Variants in DOCK4 observed in about 807,000 individuals in gnomAD.
DOCK4 encodes the protein dedicator of cytokinesis protein 4.
DOCK4 carries 97 observed loss-of-function variants against 268.1 expected under a neutral mutation model. The observed-to-expected ratio is 0.36, with a 90% confidence interval of 0.31 to 0.43. The LOEUF (loss-of-function observed/expected upper bound fraction) is 0.43, where lower values mean the gene tolerates loss of function less well. DOCK4 is among the 20% of genes least tolerant of loss of function. DOCK4 has a pLI of 1.00. For synonymous variants in DOCK4, 954 were observed against 887.2 expected, an observed-to-expected ratio of 1.08 and a Z score of -1.34; for missense variants, 2,145 against 2,455.7, an observed-to-expected ratio of 0.87 and a Z score of 2.67.
chr7:112,133,369 T>G (rs946584578), intron 1 of DOCK4, among the ~76,000 whole-genome samples: 1 of 152,242 alleles, frequency 6.6e-6, no homozygotes, highest in South Asian at 2.1e-4. Flanking sequence ...CACACTTTCC[T>G]GCTTAATCTT....
At chr7:111,907,162 C>G (rs1162904522) in intron 13 of DOCK4, among the ~76,000 whole-genome samples, 2 of 152,128 alleles carry the variant, frequency 1.3e-5, no homozygotes, top group African/African-American at 4.8e-5. Context: ...AATTCTCACA[C>G]AAGATACACT....
At chr7:112,056,845 G>A (rs1184579427) in intron 1 of DOCK4, among the ~76,000 whole-genome samples, 3 of 151,844 alleles carry the variant, frequency 2.0e-5, no homozygotes, top group East Asian at 1.9e-4. Context: ...AAAAAGAGCT[G>A]ACAAAAACAA....
chr7:112,062,582 T>C (rs1806521960), intron 1 of DOCK4, among the ~76,000 whole-genome samples: 1 of 152,194 alleles, frequency 6.6e-6, no homozygotes, highest in Admixed American at 6.5e-5. Flanking sequence ...TGATGAGTGA[T>C]AGCCAAGGGC....
chr7:111,740,503 T>C (rs2133428959), intron 47 of DOCK4, among the ~76,000 whole-genome samples: 2 of 149,828 alleles, frequency 1.3e-5, no homozygotes, highest in East Asian at 2.0e-4. Flanking sequence ...GAGGCCAAAT[T>C]GGGCAGATCA....
chr7:112,145,922 G>T (rs1464329606), intron 1 of DOCK4, among the ~76,000 whole-genome samples: 1 of 151,992 alleles, frequency 6.6e-6, no homozygotes, highest in Non-Finnish European at 1.5e-5. Context: ...ATCTAACTTC[G>T]CTTAAACTGC....
rs185579716 is a variant in DOCK4, at chr7:112,193,403, C to T, written c.37+12699G>A. On this transcript the variant is annotated intron_variant, in intron 1 of 52. Coordinates refer to ENST00000428084, the MANE Select transcript of DOCK4 (RefSeq NM_001363540.2). ...TTGAGCCCAGGAGTTCAAGACCAGC[C>T]TGAGCAAAATAGTGAGACCCTGTTT... 2.5e-3 allele frequency among the ~76,000 whole-genome samples: 380 copies of T among 152,020 alleles called. 2 individuals are homozygous for T. The highest frequency in any genetic ancestry group is 8.8e-3 in the African/African-American group (365 of 41,470).
chr7:111,872,330 G>C lies in DOCK4; in HGVS notation c.1865C>G (p.Thr622Ser). Residue 622 changes from threonine (T) to serine (S), a missense_variant, in exon 19 of 53, where the codon ACC becomes AGC. Physicochemically the swap from Thr to Ser is moderately conservative, Grantham distance 58 (BLOSUM62 1). This residue lies in a region of DOCK4 where 1,598 missense variants were observed against 1,986.7 expected (regional missense o/e 0.80). Coordinates refer to ENST00000428084, the MANE Select transcript of DOCK4 (RefSeq NM_001363540.2). The part of the protein sequence containing the change: ...IVKFLQDTLD[T>S]LFGILDENSQ... ...ATTTTCATCTAAAATTCCAAATAAG[G>C]TATCCAGTGTATCCTGCAGAAACTG... 1 of 1,557,946 alleles carries C rather than the reference G, an allele frequency of 6.4e-7. No individual in the cohort carries two copies. The highest frequency in any genetic ancestry group is 8.7e-7 in the Non-Finnish European group (1 of 1,150,676).
At chr7:111,909,403 G>C (rs764213313) in intron 13 of DOCK4, among the ~76,000 whole-genome samples, 3 of 152,138 alleles carry the variant, frequency 2.0e-5, no homozygotes, top group Non-Finnish European at 4.4e-5. Context: ...ACTCCAGTCT[G>C]TAAATCATTA....
chr7:111,998,817 T>G (rs1341540647), intron 3 of DOCK4, among the ~76,000 whole-genome samples: 2 of 152,176 alleles, frequency 1.3e-5, no homozygotes, highest in Admixed American at 6.6e-5. Context: ...AAAAACCATG[T>G]TATACTGAAT....
chr7:112,010,597 C>T lies in DOCK4; in HGVS notation c.38-6466G>A, dbSNP rs114668980. On this transcript the variant is annotated intron_variant, in intron 1 of 52. Coordinates refer to ENST00000428084, the MANE Select transcript of DOCK4 (RefSeq NM_001363540.2). ...TTCCATCTTCTGATCCTCAGACCTG[C>T]CACATGTTTGGGATCTGCCTTCATC... 9.0e-3 allele frequency among the ~76,000 whole-genome samples: 1,373 copies of T among 152,242 alleles called. 13 individuals carry two copies. The highest frequency in any genetic ancestry group is 0.037 in the Middle Eastern group (11 of 294).
intron 1 of DOCK4, among the ~76,000 whole-genome samples, chr7:112,167,800 T>C (rs1817731138): frequency 6.6e-6 from 1 of 152,190 alleles, no homozygotes; most frequent in South Asian, 2.1e-4. Flanking sequence ...TACTAAATAA[T>C]CTCTAAGACT....
At position 112,206,085 on chromosome 7, in the gene DOCK4, GCC is replaced by G. The variant is rs1194250362; in HGVS notation, c.37+15_37+16del. On this transcript the variant is annotated intron_variant, in intron 1 of 52. Transcript: ENST00000428084. The stretch of plus-strand genomic sequence containing the variant: ...TCGGGCCAGAGCAGAATAAAAGTTC[GCC>G]CCGCGGAGACTCACCCACGCCGTAT... The G allele has an allele frequency of 7.0e-6, 11 of 1,572,988 alleles. No homozygotes were observed. The highest frequency in any genetic ancestry group is 6.9e-6 in the Non-Finnish European group (8 of 1,158,854).
At chr7:112,124,958 A>T (rs955033081) in intron 1 of DOCK4, among the ~76,000 whole-genome samples, 3 of 152,196 alleles carry the variant, frequency 2.0e-5, no homozygotes, top group Admixed American at 6.5e-5. Flanking sequence ...TATAAACATG[A>T]GTTTGGTTTA....
At chr7:111,762,194 A>T (rs958600710) in intron 39 of DOCK4, among the ~76,000 whole-genome samples, 5 of 151,898 alleles carry the variant, frequency 3.3e-5, no homozygotes, top group Admixed American at 1.3e-4. Flanking sequence ...TTTTTTTTCT[A>T]AAAAAACACA....
chr7:112,199,318 C>T (rs12705816), intron 1 of DOCK4, among the ~76,000 whole-genome samples: 102,089 of 152,014 alleles, frequency 0.67, 36,230 homozygotes, highest in Non-Finnish European at 0.77. Flanking sequence ...TCCACAAATG[C>T]TATTTTATAT....
At chr7:111,984,521 T>C in intron 6 of DOCK4, 131 bp from the exon 7 acceptor site, 1 of 710,612 alleles carries the variant, frequency 1.4e-6, no homozygotes, top group Non-Finnish European at 2.4e-6. Flanking sequence ...CTTGTATGAC[T>C]TGTTACCACA....
intron 16 of DOCK4, among the ~76,000 whole-genome samples, chr7:111,894,914 ACCAGTTATC>A (rs1808612532): frequency 6.6e-6 from 1 of 152,224 alleles, no homozygotes; most frequent in South Asian, 2.1e-4. Context: ...GGTCAGCAGG[ACCAGTTATC>A]ATAGGTGAGA....
At position 111,743,548 on chromosome 7, in the gene DOCK4, G is replaced by C. The variant is rs139984383; in HGVS notation, c.4678-1416C>G. 1.2e-3 allele frequency among the ~76,000 whole-genome samples: 182 copies of C among 152,284 alleles called. 1 individual carries two copies. The highest frequency in any genetic ancestry group is 4.2e-3 in the African/African-American group (173 of 41,564). On this transcript the variant is annotated intron_variant, in intron 44 of 52. Coordinates refer to ENST00000428084, the MANE Select transcript of DOCK4 (RefSeq NM_001363540.2). ...GGACATGGAAGGGATGTAGGAGGTGGATCTAAACGCAGAGGCCCCCAGTCT... is the reference window on the plus strand; with the variant it reads ...GGACATGGAAGGGATGTAGGAGGTGCATCTAAACGCAGAGGCCCCCAGTCT...
intron 12 of DOCK4, among the ~76,000 whole-genome samples, chr7:111,923,513 A>G (rs1008007980): frequency 6.6e-6 from 1 of 152,100 alleles, no homozygotes; most frequent in African/African-American, 2.4e-5. Context: ...TAATTTATCT[A>G]GATATGACTT....
Sources: allele counts gnomAD v4.1 joint callset (sites outside exome capture counted in the v4.1 genomes callset), GRCh38; gene constraint gnomAD v4.1.1; regional missense constraint gnomAD v4.1.1; transcripts MANE v1.5; gene names NCBI Gene and HGNC (gene_info 2026-07-23, HGNC 2026-07-21).